Variants in APBB1IP observed in about 807,000 individuals in gnomAD.
APBB1IP encodes amyloid beta A4 precursor protein-binding family B member 1-interacting protein.
In APBB1IP, 27 loss-of-function variants were observed where a neutral mutation model predicts 64.9. The ratio of observed to expected loss-of-function variants is 0.42; its 90% CI spans 0.31 to 0.57. APBB1IP has a LOEUF of 0.57. Among genes scored for constraint, APBB1IP ranks in the 20% least tolerant of loss-of-function variants. The pLI is 0.20. For missense variants in APBB1IP, 812 were observed against 845.5 expected, an observed-to-expected ratio of 0.96 and a Z score of 0.49; for synonymous variants, 392 against 331.0, an observed-to-expected ratio of 1.18 and a Z score of -2.00.
At chr10:26,449,219 T>C (rs1296283735) in intron 2 of APBB1IP, among the ~76,000 whole-genome samples, 2 of 152,144 alleles carry the variant, frequency 1.3e-5, no homozygotes, top group Admixed American at 1.3e-4. Flanking sequence ...AAAATGGCAG[T>C]TTAACTCAGT....
At chr10:26,555,302 T>A (rs916000536) in intron 11 of APBB1IP, among the ~76,000 whole-genome samples, 5 of 152,200 alleles carry the variant, frequency 3.3e-5, no homozygotes, top group African/African-American at 1.2e-4. Context: ...CTAGTTTGAC[T>A]CAAGGGTCTT....
At chr10:26,443,268 A>G (rs11015109) in intron 2 of APBB1IP, among the ~76,000 whole-genome samples, 54,126 of 151,590 alleles carry the variant, frequency 0.36, 9,721 homozygotes, top group South Asian at 0.49. Context: ...CTAAAAATAC[A>G]AAAAAATTAG....
Position 26,536,217 on chromosome 10 carries a change from GGT to G in APBB1IP, c.1044+1_1044+2del. 1 of 1,474,228 alleles carries G rather than the reference GGT, an allele frequency of 6.8e-7. No homozygotes were observed. The highest frequency in any genetic ancestry group is 8.9e-7 in the Non-Finnish European group (1 of 1,122,672). The allele number at this position is 1,474,228 out of a possible 1,614,324, so 91.3% of individuals were successfully genotyped here. On this transcript the variant is annotated splice_donor_variant, in intron 10 of 14. Coordinates refer to ENST00000376236, the MANE Select transcript of APBB1IP (RefSeq NM_019043.4). LOFTEE classifies it high-confidence loss of function. ...ATTATGTACCCAAAGGAAAGACTAA[GGT>G]CAGAAAAAAAAAAAAAAAAGCACTT...
chr10:26,466,995 T>G (rs776673401), intron 2 of APBB1IP, among the ~76,000 whole-genome samples: 2 of 152,160 alleles, frequency 1.3e-5, no homozygotes, highest in Non-Finnish European at 2.9e-5. Flanking sequence ...ATGAGTTTGA[T>G]TCCCTAATAC....
At chr10:26,544,006 C>A (rs1836730002) in intron 11 of APBB1IP, among the ~76,000 whole-genome samples, 1 of 152,144 alleles carries the variant, frequency 6.6e-6, no homozygotes, top group South Asian at 2.1e-4. Context: ...ATGGCATTTT[C>A]TTTGTAGATG....
chr10:26,443,532 C>CTTTATTTATTTA (rs71401892), intron 2 of APBB1IP, among the ~76,000 whole-genome samples: 4,561 of 151,264 alleles, frequency 0.03, 223 homozygotes, highest in African/African-American at 0.1. Context: ...GTCATCTCCA[C>CTTTATTTATTTA]TTTATTTATT....
intron 8 of APBB1IP, among the ~76,000 whole-genome samples, chr10:26,530,195 C>T (rs546487833): frequency 1.3e-5 from 2 of 151,756 alleles, no homozygotes; most frequent in East Asian, 3.9e-4. Context: ...GCTAGATTCT[C>T]CCCTATGGTA....
chr10:26,449,119 G>A (rs2132397053), intron 2 of APBB1IP, among the ~76,000 whole-genome samples: 1 of 152,310 alleles, frequency 6.6e-6, no homozygotes, highest in African/African-American at 2.4e-5. Context: ...TCCTTGTTAA[G>A]AATGGTTACG....
Position 26,496,328 on chromosome 10 carries a change from C to T in APBB1IP, c.97C>T (p.Pro33Ser). 1 of 1,612,890 alleles carries T rather than the reference C, an allele frequency of 6.2e-7. No individual in the cohort carries two copies. The highest frequency in any genetic ancestry group is 1.1e-5 in the South Asian group (1 of 91,010). Residue 33 changes from proline to serine, a missense_variant, in exon 4 of 15, where the codon CCT becomes TCT. Pro to Ser is a moderately conservative substitution (Grantham distance 74, BLOSUM62 -1). Coordinates refer to ENST00000376236, the MANE Select transcript of APBB1IP (RefSeq NM_019043.4). ...TQSLGVDTLP[P>S]PDPNPPRAEF... is the part of the protein sequence containing the mutation. ...GAGTTTAGGAGTTGACACTCTCCCT[C>T]CTCCTGACCCTAATCCACCCAGAGC...
At chr10:26,547,252 GT>G (rs913399966) in intron 11 of APBB1IP, among the ~76,000 whole-genome samples, 6 of 151,934 alleles carry the variant, frequency 3.9e-5, no homozygotes, top group African/African-American at 1.5e-4. Context: ...GATTATTTGG[GT>G]TTTTTGCTAG....
chr10:26,526,052 C>T (rs1836469779), intron 8 of APBB1IP, among the ~76,000 whole-genome samples: 1 of 152,166 alleles, frequency 6.6e-6, no homozygotes, highest in Non-Finnish European at 1.5e-5. Context: ...GTGAGAGGGA[C>T]CTTCCTGCTT....
At chr10:26,501,185 A>G (rs1316375574) in intron 5 of APBB1IP, 74 bp downstream of exon 5, 1 of 1,575,352 alleles carries the variant, frequency 6.3e-7, no homozygotes, top group South Asian at 1.1e-5. Context: ...TGAAGTGATC[A>G]TTACATTCCT....
intron 5 of APBB1IP, 97 bp downstream of exon 5, chr10:26,501,208 C>A (rs1478204218): frequency 1.3e-6 from 2 of 1,536,264 alleles, no homozygotes; most frequent in East Asian, 4.5e-5. Flanking sequence ...GTTGGTACAT[C>A]CAAAGATCTG....
chr10:26,542,344 T>C (rs11015161), intron 11 of APBB1IP, among the ~76,000 whole-genome samples: 48,588 of 151,936 alleles, frequency 0.32, 8,494 homozygotes, highest in Admixed American at 0.47. Flanking sequence ...TTAGTTAAGA[T>C]AGGGCTTTAC....
At chr10:26,491,727 C>T (rs979578622) in intron 2 of APBB1IP, among the ~76,000 whole-genome samples, 1 of 141,546 alleles carries the variant, frequency 7.1e-6, no homozygotes, top group Admixed American at 7.3e-5. Flanking sequence ...GGTAAATATG[C>T]TTAATCACTC....
At chr10:26,456,952 C>A (rs918055422) in intron 2 of APBB1IP, among the ~76,000 whole-genome samples, 1 of 152,134 alleles carries the variant, frequency 6.6e-6, no homozygotes, top group South Asian at 2.1e-4. Context: ...ACTGACCAGA[C>A]AAACTGATCA....
intron 13 of APBB1IP, among the ~76,000 whole-genome samples, chr10:26,561,101 C>T (rs575305866): frequency 2.6e-5 from 3 of 115,338 alleles, no homozygotes; most frequent in African/African-American, 1.0e-4. Flanking sequence ...GACTCTCTCG[C>T]ACTGTTGCCC....
chr10:26,563,671 T>C (rs962628962), intron 14 of APBB1IP, among the ~76,000 whole-genome samples: 1 of 152,314 alleles, frequency 6.6e-6, no homozygotes, highest in Non-Finnish European at 1.5e-5. Context: ...ACTGTGACAA[T>C]AGCATATCAC....
chr10:26,541,433 C>G (rs1179787018), intron 10 of APBB1IP, 149 bp from the exon 11 acceptor site: 1 of 625,890 alleles, frequency 1.6e-6, no homozygotes, highest in African/African-American at 1.9e-5. Flanking sequence ...TTTGAGAAAA[C>G]CTATACATGG....
Sources: gnomAD v4.1 joint callset for allele counts (sites outside exome capture counted in the v4.1 genomes callset) on GRCh38, gnomAD v4.1.1 for gene constraint, MANE v1.5 for transcripts, NCBI Gene and HGNC (gene_info 2026-07-23, HGNC 2026-07-21) for gene names.